The following AKAP10 variants were observed in gnomAD, a reference collection of about 807,000 sequenced individuals.
AKAP10 encodes the protein A-kinase anchor protein 10, mitochondrial.
A neutral mutation model predicts 80.8 loss-of-function variants in AKAP10; 24 were observed. The observed-to-expected ratio is 0.30, with a 90% CI of 0.22 to 0.42. The LOEUF (loss-of-function observed/expected upper bound fraction) is 0.42, where lower values mean the gene tolerates loss of function less well. AKAP10 is among the 10% of genes least tolerant of loss of function. The pLI, the probability that AKAP10 is intolerant of heterozygous loss-of-function variation, is 1.00. For missense variants in AKAP10, 661 were observed against 794.9 expected, an observed-to-expected ratio of 0.83 and a Z score of 2.03; for synonymous variants, 291 against 277.7, an observed-to-expected ratio of 1.05 and a Z score of -0.48.
chr17:19,916,722 C>T (rs1389643586), intron 12 of AKAP10, among the ~76,000 whole-genome samples: 2 of 146,896 alleles, frequency 1.4e-5, no homozygotes, highest in African/African-American at 5.0e-5. Context: ...CGGATCACGA[C>T]ATCAGGAGAT....
intron 1 of AKAP10, among the ~76,000 whole-genome samples, chr17:19,972,875 T>C (rs1335994892): frequency 2.0e-5 from 3 of 152,254 alleles, no homozygotes; most frequent in Non-Finnish European, 4.4e-5. Context: ...CCTGTTCTTC[T>C]ACATGACTTC....
intron 1 of AKAP10, among the ~76,000 whole-genome samples, chr17:19,977,192 G>T (rs1355918107): frequency 3.3e-5 from 5 of 152,110 alleles, no homozygotes; most frequent in African/African-American, 9.7e-5. Context: ...TTCACGTGTT[G>T]CTTTTAGACA....
At chr17:19,946,237 T>TATTTTATATATATATATATATTACATA (rs1491288818) in intron 5 of AKAP10, among the ~76,000 whole-genome samples, 4 of 15,176 alleles carry the variant, frequency 2.6e-4, no homozygotes, top group African/African-American at 1.3e-3. Flanking sequence ...TATATATATA[T>TATTTTATATATATATATATATTACATA]TATATATATA....
chr17:19,970,839 A>C (rs1013780105), intron 1 of AKAP10, among the ~76,000 whole-genome samples: 9 of 152,218 alleles, frequency 5.9e-5, no homozygotes, highest in African/African-American at 1.9e-4. Flanking sequence ...AAAAAAATAA[A>C]TAAATAAATA....
At chr17:19,954,821 T>A (rs2043255676) in intron 4 of AKAP10, among the ~76,000 whole-genome samples, 1 of 151,794 alleles carries the variant, frequency 6.6e-6, no homozygotes, top group Non-Finnish European at 1.5e-5. Context: ...AGGAAACATA[T>A]GAGAAAATCT....
intron 2 of AKAP10, among the ~76,000 whole-genome samples, chr17:19,965,119 T>C (rs958228108): frequency 3.3e-5 from 5 of 152,216 alleles, no homozygotes; most frequent in African/African-American, 1.2e-4. Flanking sequence ...GACTTTACCA[T>C]CTCAAGCACA....
intron 5 of AKAP10, among the ~76,000 whole-genome samples, chr17:19,943,975 A>G (rs2152414918): frequency 6.6e-6 from 1 of 151,300 alleles, no homozygotes; most frequent in Middle Eastern, 3.4e-3. Flanking sequence ...GAGAGTTCAG[A>G]AGGAGAAACT....
At chr17:19,912,075 A>AAGCAAGATAACTTAAG (rs2042697242) in intron 12 of AKAP10, among the ~76,000 whole-genome samples, 1 of 151,994 alleles carries the variant, frequency 6.6e-6, no homozygotes, top group South Asian at 2.1e-4. Flanking sequence ...GTAACTTCTT[A>AAGCAAGATAACTTAAG]AGTTATCTTG....
intron 12 of AKAP10, among the ~76,000 whole-genome samples, chr17:19,913,041 A>G (rs1329857931): frequency 2.0e-5 from 3 of 150,160 alleles, no homozygotes; most frequent in Non-Finnish European, 4.4e-5. Flanking sequence ...GTAGTGGTGC[A>G]TTATCAGCCC....
At chr17:19,960,188 A>G (rs775703706) in intron 3 of AKAP10, among the ~76,000 whole-genome samples, 10 of 152,222 alleles carry the variant, frequency 6.6e-5, no homozygotes, top group Non-Finnish European at 1.5e-4. Flanking sequence ...ACAGTGATAC[A>G]ACACTCTAAC....
At chr17:19,960,748 A>G (rs919095995) in intron 3 of AKAP10, among the ~76,000 whole-genome samples, 2 of 152,202 alleles carry the variant, frequency 1.3e-5, no homozygotes, top group Admixed American at 6.5e-5. Flanking sequence ...ACCACCAGCC[A>G]GGGATGACGG....
chr17:19,969,258 T>A (rs531142302), intron 1 of AKAP10, among the ~76,000 whole-genome samples: 4 of 152,170 alleles, frequency 2.6e-5, no homozygotes, highest in African/African-American at 9.6e-5. Context: ...AGGCAGAGAA[T>A]TGCTTGAACC....
chr17:19,956,697 G>A (rs1045252957), intron 4 of AKAP10, among the ~76,000 whole-genome samples: 2 of 152,084 alleles, frequency 1.3e-5, no homozygotes, highest in African/African-American at 4.8e-5. Flanking sequence ...CCAGCTTACA[G>A]TAACTTTGCG....
chr17:19,934,934 C>A (rs943978005), intron 9 of AKAP10, among the ~76,000 whole-genome samples: 2 of 152,180 alleles, frequency 1.3e-5, no homozygotes, highest in Admixed American at 6.5e-5. Context: ...ATTGGTTGAA[C>A]CTGGGAGGCA....
At chr17:19,944,412 G>A (rs935651780) in intron 5 of AKAP10, among the ~76,000 whole-genome samples, 1 of 152,090 alleles carries the variant, frequency 6.6e-6, no homozygotes, top group Non-Finnish European at 1.5e-5. Context: ...AGCACTTTGG[G>A]AGGCCAAGGT....
At chr17:19,969,804 GA>G (rs1036942329) in intron 1 of AKAP10, among the ~76,000 whole-genome samples, 1 of 151,922 alleles carries the variant, frequency 6.6e-6, no homozygotes, top group Non-Finnish European at 1.5e-5. Flanking sequence ...AGACTAACAT[GA>G]AAAAAATAAA....
chr17:19,947,263 T>A, intron 5 of AKAP10, 144 bp downstream of exon 5: 1 of 667,442 alleles, frequency 1.5e-6, no homozygotes, highest in African/African-American at 1.8e-5. Context: ...TATAATCCGA[T>A]ATAAAAAATA....
chr17:19,932,693 G>A (rs1399507625), intron 9 of AKAP10, among the ~76,000 whole-genome samples: 1 of 151,944 alleles, frequency 6.6e-6, no homozygotes, highest in Non-Finnish European at 1.5e-5. Context: ...TGTGATTGCT[G>A]AGTTAAATTT....
intron 1 of AKAP10, among the ~76,000 whole-genome samples, chr17:19,968,840 A>G (rs2043457499): frequency 6.6e-6 from 1 of 152,234 alleles, no homozygotes; most frequent in African/African-American, 2.4e-5. Flanking sequence ...ATTGATGAAA[A>G]AAAATATATA....
Sources: allele counts gnomAD v4.1 joint callset (sites outside exome capture counted in the v4.1 genomes callset), GRCh38; gene constraint gnomAD v4.1.1; transcripts MANE v1.5; gene names NCBI Gene and HGNC (gene_info 2026-07-23, HGNC 2026-07-21).